TAFA5: variants seen among roughly 807,000 people sequenced by gnomAD.
TAFA5 encodes the protein chemokine-like protein TAFA-5.
A neutral mutation model predicts 15.3 loss-of-function variants in TAFA5; 6 were observed. The observed-to-expected ratio is 0.39, with a 90% CI of 0.21 to 0.77. TAFA5 has a LOEUF of 0.77. Ranked by LOEUF, TAFA5 falls within the 30% of genes least tolerant of loss-of-function variation. The pLI, the probability that TAFA5 is intolerant of heterozygous loss-of-function variation, is 0.41. For missense variants in TAFA5, 161 were observed against 193.1 expected, an observed-to-expected ratio of 0.83 and a Z score of 0.98; for synonymous variants, 103 against 80.7, an observed-to-expected ratio of 1.28 and a Z score of -1.48.
chr22:48,732,897 G>A (rs1365323399), intron 3 of TAFA5, among the ~76,000 whole-genome samples: 2 of 152,190 alleles, frequency 1.3e-5, no homozygotes, highest in African/African-American at 4.8e-5. Context: ...CCAGCAAAGA[G>A]ATGACGACTC....
intron 2 of TAFA5, among the ~76,000 whole-genome samples, chr22:48,706,030 G>T (rs539893679): frequency 5.1e-4 from 77 of 152,378 alleles, no homozygotes; most frequent in African/African-American, 1.6e-3. Flanking sequence ...AGGGACCGGG[G>T]CTGCAGACGG....
At position 48,566,613 on chromosome 22, in the gene TAFA5, CCTT is replaced by C. The variant is rs1923416395; in HGVS notation, c.112+76912_112+76914del. ...TACACCTAGCTTTAGCCCAACCTCT[CCTT>C]CTGCTGCCATAGGCAGGTTGCTGAG... is the stretch of plus-strand genomic sequence containing the variant. On this transcript the variant is annotated intron_variant, in intron 1 of 3. Coordinates refer to ENST00000402357, the MANE Select transcript of TAFA5 (RefSeq NM_001082967.3). This position sits in a 1 kb window ranked among gnomAD's most constrained non-coding sequence, Gnocchi z 4.5. Among the ~76,000 whole-genome samples the C allele has an allele frequency of 1.3e-5, 2 of 152,178 alleles. No individual in the cohort carries two copies. Among genetic ancestry groups the C allele is most frequent in the African/African-American group, 2.4e-5 (1 of 41,428 alleles).
chr22:48,513,421 C>T (rs1465344613), intron 1 of TAFA5, among the ~76,000 whole-genome samples: 2 of 152,210 alleles, frequency 1.3e-5, no homozygotes, highest in African/African-American at 4.8e-5. Context: ...CAGCTCCTTC[C>T]TGTCACTCAG....
chr22:48,523,203 G>A (rs1392930505), intron 1 of TAFA5, among the ~76,000 whole-genome samples: 3 of 152,244 alleles, frequency 2.0e-5, no homozygotes, highest in South Asian at 2.1e-4. Context: ...TGCTGGAGGC[G>A]GGCTCGGCTT....
At chr22:48,686,254 G>A (rs1206112052) in intron 2 of TAFA5, among the ~76,000 whole-genome samples, 3 of 152,222 alleles carry the variant, frequency 2.0e-5, no homozygotes, top group Non-Finnish European at 1.5e-5. Context: ...GTCTGCTATG[G>A]CTGCTATAAT....
At chr22:48,572,289 C>T (rs139327068) in intron 1 of TAFA5, among the ~76,000 whole-genome samples, 1 of 152,184 alleles carries the variant, frequency 6.6e-6, no homozygotes, top group Non-Finnish European at 1.5e-5. Context: ...ATCACCTCTA[C>T]CCTGTGTAGC....
At chr22:48,626,826 G>A (rs9628598) in intron 1 of TAFA5, among the ~76,000 whole-genome samples, 12,271 of 152,212 alleles carry the variant, frequency 0.081, 1,045 homozygotes, top group African/African-American at 0.22. Context: ...ATTGTGTTTC[G>A]TCTTTAGGTC....
intron 2 of TAFA5, among the ~76,000 whole-genome samples, chr22:48,653,207 C>T (rs1927116773): frequency 6.6e-6 from 1 of 152,240 alleles, no homozygotes; most frequent in African/African-American, 2.4e-5. Context: ...CTTTCTTCCC[C>T]AGCACACCCC....
intron 2 of TAFA5, among the ~76,000 whole-genome samples, chr22:48,668,517 G>A (rs13054622): frequency 5.5e-5 from 1 of 18,116 alleles, no homozygotes; most frequent in Admixed American, 7.8e-4. Flanking sequence ...GGGAGCTGTA[G>A]TCCCCCAGCA....
intron 1 of TAFA5, among the ~76,000 whole-genome samples, chr22:48,526,242 G>A (rs1921777651): frequency 6.6e-6 from 1 of 152,252 alleles, no homozygotes; most frequent in Non-Finnish European, 1.5e-5. Flanking sequence ...CCGTCTGTGT[G>A]TGGTGTCCTG....
intron 1 of TAFA5, among the ~76,000 whole-genome samples, chr22:48,575,531 C>T (rs1366659482): frequency 6.8e-6 from 1 of 146,130 alleles, no homozygotes; most frequent in Non-Finnish European, 1.5e-5. Context: ...GCCTCCAGGC[C>T]GGAGCAGCGG....
chr22:48,576,846 C>T (rs897186572), intron 1 of TAFA5, among the ~76,000 whole-genome samples: 2 of 151,880 alleles, frequency 1.3e-5, no homozygotes, highest in African/African-American at 4.8e-5. Flanking sequence ...CCCCGGATCC[C>T]CAGCCCAAGC....
rs542966867 is a variant in TAFA5 at position 48,523,997 on chromosome 22, C to A, written c.112+34293C>A. 4.5e-3 allele frequency among the ~76,000 whole-genome samples: 680 copies of A among 152,320 alleles called. 3 individuals carry two copies. Among genetic ancestry groups the A allele is most frequent in the African/African-American group, 0.016 (654 of 41,584 alleles). On this transcript the variant is annotated intron_variant, in intron 1 of 3. Coordinates refer to ENST00000402357, the MANE Select transcript of TAFA5 (RefSeq NM_001082967.3). ...CACCGCACGTGGTCCCAACCTGCCCCGGGGCCGGGCTGGCCTGTGATGCCT... is the reference window on the plus strand; with the variant it reads ...CACCGCACGTGGTCCCAACCTGCCCAGGGGCCGGGCTGGCCTGTGATGCCT...
intron 3 of TAFA5, among the ~76,000 whole-genome samples, chr22:48,736,408 T>C: frequency 5.2e-5 from 1 of 19,262 alleles, no homozygotes; most frequent in Non-Finnish European, 8.9e-5. Context: ...ACTCCTAGAG[T>C]CCATCCCCCC....
At chr22:48,655,072 G>A (rs1927187611) in intron 2 of TAFA5, among the ~76,000 whole-genome samples, 1 of 152,168 alleles carries the variant, frequency 6.6e-6, no homozygotes, top group Non-Finnish European at 1.5e-5. Flanking sequence ...GTTTAAAGGG[G>A]AGGCCACACC....
chr22:48,511,677 T>C (rs1384557358), intron 1 of TAFA5, among the ~76,000 whole-genome samples: 1 of 152,168 alleles, frequency 6.6e-6, no homozygotes, highest in Non-Finnish European at 1.5e-5. Flanking sequence ...CATTCTCCAT[T>C]CTCAAGGTTG....
chr22:48,505,012 G>A (rs1920980219), intron 1 of TAFA5, among the ~76,000 whole-genome samples: 1 of 152,220 alleles, frequency 6.6e-6, no homozygotes, highest in South Asian at 2.1e-4. Context: ...CCACACTGGA[G>A]CCCGGGACAC....
At chr22:48,615,694 C>A (rs188341345) in intron 1 of TAFA5, among the ~76,000 whole-genome samples, 1 of 152,206 alleles carries the variant, frequency 6.6e-6, no homozygotes, top group Non-Finnish European at 1.5e-5. Context: ...TCCTGGCCCC[C>A]GCCCCCATCC....
chr22:48,657,049 G>A (rs746979108), intron 2 of TAFA5, among the ~76,000 whole-genome samples: 5 of 152,130 alleles, frequency 3.3e-5, no homozygotes, highest in African/African-American at 4.8e-5. Context: ...GGGATTACAG[G>A]TGTGAGCCAC....
Sources: gnomAD v4.1 joint callset for allele counts (sites outside exome capture counted in the v4.1 genomes callset) on GRCh38, gnomAD v4.1.1 for gene constraint, Gnocchi (gnomAD v3.1) non-coding constraint, MANE v1.5 for transcripts, NCBI Gene and HGNC (gene_info 2026-07-23, HGNC 2026-07-21) for gene names.